Variants in NKAIN2 observed in about 807,000 individuals in gnomAD.
NKAIN2 encodes sodium/potassium-transporting ATPase subunit beta-1-interacting protein 2.
A neutral mutation model predicts 32.6 loss-of-function variants in NKAIN2; 14 were observed. That is an observed-to-expected ratio of 0.43 (90% CI 0.28 to 0.67). The LOEUF is 0.67. Among genes scored for constraint, NKAIN2 ranks in the 30% least tolerant of loss-of-function variants. The pLI, the probability that NKAIN2 is intolerant of heterozygous loss-of-function variation, is 0.17. For synonymous variants in NKAIN2, 80 were observed against 87.2 expected (o/e 0.92, Z 0.46); for missense variants, 198 against 258.3 (o/e 0.77, Z 1.60).
chr6:124,542,616 A>G lies in NKAIN2; in HGVS notation c.274-115570A>G, dbSNP rs117082020. Among the ~76,000 whole-genome samples, 89 of 152,294 alleles carry G rather than the reference A, an allele frequency of 5.8e-4. 1 individual carries two copies. In the East Asian group the frequency reaches 0.017, roughly 29 times the overall value. On this transcript the variant is annotated intron_variant, in intron 3 of 6. Transcript: ENST00000368417. ...GTACAGCTTTAAGTTTAGGTTAGGT[A>G]AAGACATTTCTCTTAAAATCCTCAA... is the stretch of plus-strand genomic sequence containing the variant.
intron 3 of NKAIN2, among the ~76,000 whole-genome samples, chr6:124,567,721 C>T (rs1780973655): frequency 1.3e-5 from 2 of 152,222 alleles, no homozygotes; most frequent in South Asian, 4.1e-4. Context: ...GTCTGCAAAC[C>T]TTTTGGTTTT....
At chr6:124,809,908 G>T (rs1194168014) in intron 5 of NKAIN2, among the ~76,000 whole-genome samples, 2 of 152,134 alleles carry the variant, frequency 1.3e-5, no homozygotes, top group Non-Finnish European at 2.9e-5. Context: ...GGCCATCAGA[G>T]AAATGCAAAT....
intron 3 of NKAIN2, among the ~76,000 whole-genome samples, chr6:124,496,444 C>T (rs967854076): frequency 6.6e-5 from 10 of 152,018 alleles, no homozygotes; most frequent in African/African-American, 2.2e-4. Context: ...ATGGCACTGC[C>T]CTCAGAGATC....
intron 1 of NKAIN2, among the ~76,000 whole-genome samples, chr6:123,999,967 A>G (rs1420419751): frequency 6.6e-6 from 1 of 152,150 alleles, no homozygotes; most frequent in African/African-American, 2.4e-5. Flanking sequence ...TTTTGTTAAT[A>G]TAGTATTTCT....
At chr6:123,985,259 G>T (rs1424561307) in intron 1 of NKAIN2, among the ~76,000 whole-genome samples, 1 of 152,096 alleles carries the variant, frequency 6.6e-6, no homozygotes, top group Non-Finnish European at 1.5e-5. Flanking sequence ...AATTAGTTGG[G>T]CGTGGTGGTG....
intron 4 of NKAIN2, among the ~76,000 whole-genome samples, chr6:124,686,420 A>C (rs1773881689): frequency 6.6e-6 from 1 of 152,092 alleles, no homozygotes; most frequent in Non-Finnish European, 1.5e-5. Context: ...CAGAAGGCAA[A>C]AAGGGAGCAA....
intron 1 of NKAIN2, among the ~76,000 whole-genome samples, chr6:124,169,572 C>T (rs1245405920): frequency 1.3e-5 from 2 of 152,116 alleles, no homozygotes; most frequent in African/African-American, 4.8e-5. Flanking sequence ...CAGAAGTTAA[C>T]TTAAGGAAAT....
At chr6:124,746,022 T>A (rs1777437200) in intron 4 of NKAIN2, among the ~76,000 whole-genome samples, 1 of 151,828 alleles carries the variant, frequency 6.6e-6, no homozygotes, top group African/African-American at 2.4e-5. Context: ...ATATTGTAAC[T>A]CATTACCTAT....
At chr6:124,140,222 G>T (rs908727581) in intron 1 of NKAIN2, among the ~76,000 whole-genome samples, 1 of 152,000 alleles carries the variant, frequency 6.6e-6, no homozygotes, top group Non-Finnish European at 1.5e-5. Flanking sequence ...TGTTGCTATG[G>T]TTTCACATAT....
At chr6:124,165,578 C>T (rs1489351339) in intron 1 of NKAIN2, among the ~76,000 whole-genome samples, 1 of 151,654 alleles carries the variant, frequency 6.6e-6, no homozygotes, top group Non-Finnish European at 1.5e-5. Context: ...AGGTTAATTA[C>T]ATATATATAC....
At chr6:123,908,461 C>T (rs762249600) in intron 1 of NKAIN2, among the ~76,000 whole-genome samples, 6 of 152,076 alleles carry the variant, frequency 3.9e-5, no homozygotes, top group Non-Finnish European at 7.4e-5. Flanking sequence ...TTTTTCAAAT[C>T]GAATAGATTG....
chr6:124,800,837 G>A (rs1263755951), intron 5 of NKAIN2, among the ~76,000 whole-genome samples: 1 of 152,110 alleles, frequency 6.6e-6, no homozygotes, highest in Non-Finnish European at 1.5e-5. Flanking sequence ...ATTTGCATTT[G>A]CTTGTTTGTT....
chr6:124,262,683 A>C (rs1278063711), intron 1 of NKAIN2, among the ~76,000 whole-genome samples: 2 of 152,168 alleles, frequency 1.3e-5, no homozygotes, highest in African/African-American at 4.8e-5. Context: ...AAGAAATGGA[A>C]AGTTATATAG....
intron 2 of NKAIN2, among the ~76,000 whole-genome samples, chr6:124,323,818 C>T (rs1191622448): frequency 6.7e-5 from 9 of 133,830 alleles, no homozygotes; most frequent in Admixed American, 4.9e-4. Context: ...GACGGAGTCT[C>T]GCTCTGTCAC....
At chr6:124,353,307 T>G (rs1375238366) in intron 2 of NKAIN2, among the ~76,000 whole-genome samples, 1 of 152,012 alleles carries the variant, frequency 6.6e-6, no homozygotes, top group Non-Finnish European at 1.5e-5. Flanking sequence ...TCATATGAAA[T>G]TAGGAGAAAC....
At chr6:124,772,498 C>T (rs567729919) in intron 4 of NKAIN2, among the ~76,000 whole-genome samples, 76 of 152,298 alleles carry the variant, frequency 5.0e-4, no homozygotes, top group Admixed American at 5.0e-3. Flanking sequence ...GAGATATCAG[C>T]AGCATATGTG....
At chr6:124,460,462 T>G (rs1302598051) in intron 3 of NKAIN2, among the ~76,000 whole-genome samples, 1 of 148,862 alleles carries the variant, frequency 6.7e-6, no homozygotes, top group East Asian at 2.0e-4. Context: ...AAAATGTCTT[T>G]AGTTAACCCT....
At chr6:124,009,152 TA>T (rs1258651119) in intron 1 of NKAIN2, among the ~76,000 whole-genome samples, 2 of 152,190 alleles carry the variant, frequency 1.3e-5, no homozygotes, top group Non-Finnish European at 2.9e-5. Context: ...CCTCTTGCTG[TA>T]ATTTGAGGAG....
At chr6:124,577,798 T>C (rs979241850) in intron 3 of NKAIN2, among the ~76,000 whole-genome samples, 1 of 151,990 alleles carries the variant, frequency 6.6e-6, no homozygotes, top group Non-Finnish European at 1.5e-5. Context: ...TAGGAGAGAC[T>C]CTTTCCCTCT....
Sources: allele counts gnomAD v4.1 joint callset (sites outside exome capture counted in the v4.1 genomes callset), GRCh38; gene constraint gnomAD v4.1.1; transcripts MANE v1.5; gene names NCBI Gene and HGNC (gene_info 2026-07-23, HGNC 2026-07-21).